AP3S2: variants seen among roughly 807,000 people sequenced by gnomAD.
AP3S2 encodes adaptor related protein complex 3 subunit sigma 2.
In AP3S2, 22 loss-of-function variants were observed where a neutral mutation model predicts 23.4. The observed-to-expected ratio is 0.94, with a 90% CI of 0.67 to 1.34. The LOEUF (loss-of-function observed/expected upper bound fraction) is 1.34. AP3S2 is among the 40% of genes most tolerant of loss of function. The pLI, the probability that AP3S2 is intolerant of heterozygous loss-of-function variation, is 0.00. For missense variants in AP3S2, 241 were observed against 236.9 expected (o/e 1.02, Z -0.11); for synonymous variants, 86 against 87.1 (o/e 0.99, Z 0.07).
chr15:89,839,466 G>T (rs1028523208), intron 4 of AP3S2, among the ~76,000 whole-genome samples: 5 of 152,186 alleles, frequency 3.3e-5, no homozygotes, highest in Non-Finnish European at 5.9e-5. Flanking sequence ...ATATGCAAAT[G>T]AAGATTTAAT....
intron 3 of AP3S2, among the ~76,000 whole-genome samples, chr15:89,888,300 G>T (rs1351735760): frequency 2.0e-5 from 3 of 152,194 alleles, no homozygotes; most frequent in Non-Finnish European, 4.4e-5. Context: ...GTATAAATTT[G>T]TAAATGAAAA....
At chr15:89,877,336 G>T (rs1373061701) in intron 3 of AP3S2, 1 of 1,308,204 alleles carries the variant, frequency 7.6e-7, no homozygotes, top group Admixed American at 2.2e-5. Context: ...TAGCCTTCTT[G>T]TTCTGATGTC....
intron 3 of AP3S2, among the ~76,000 whole-genome samples, chr15:89,884,424 C>A (rs950242288): frequency 1.3e-5 from 2 of 151,544 alleles, no homozygotes; most frequent in South Asian, 2.1e-4. Context: ...TAAAAAAAAA[C>A]CACTCAACAC....
intron 4 of AP3S2, among the ~76,000 whole-genome samples, chr15:89,869,445 G>C (rs1162243660): frequency 6.8e-6 from 1 of 147,596 alleles, no homozygotes; most frequent in African/African-American, 2.5e-5. Flanking sequence ...GAAGGCCGCA[G>C]GGTCCTCTGC....
chr15:89,859,269 TTTTC>T (rs770559473), intron 4 of AP3S2, among the ~76,000 whole-genome samples: 11 of 150,520 alleles, frequency 7.3e-5, no homozygotes, highest in East Asian at 1.9e-4. Flanking sequence ...CCTTTTTTTC[TTTTC>T]TTTCTTTCCT....
At chr15:89,853,746 C>T (rs1242250044) in intron 4 of AP3S2, among the ~76,000 whole-genome samples, 2 of 120,138 alleles carry the variant, frequency 1.7e-5, no homozygotes, top group Admixed American at 8.6e-5. Context: ...ATGTGGGGAG[C>T]GCCTCTGCCC....
intron 3 of AP3S2, among the ~76,000 whole-genome samples, chr15:89,881,913 C>T (rs910687191): frequency 1.2e-4 from 18 of 151,886 alleles, no homozygotes; most frequent in Non-Finnish European, 2.1e-4. Flanking sequence ...CTCCACCTCC[C>T]GGGTTCAAGC....
chr15:89,872,844 C>A (rs907949270), intron 3 of AP3S2, among the ~76,000 whole-genome samples: 2 of 152,208 alleles, frequency 1.3e-5, no homozygotes, highest in Non-Finnish European at 2.9e-5. Context: ...TACCAAGATG[C>A]AATGGGCAAG....
At chr15:89,885,348 A>T (rs1293742333) in intron 3 of AP3S2, among the ~76,000 whole-genome samples, 1 of 152,102 alleles carries the variant, frequency 6.6e-6, no homozygotes, top group Non-Finnish European at 1.5e-5. Context: ...GATTACAGGC[A>T]TGTGCCACCA....
chr15:89,874,641 G>C (rs956636139), intron 3 of AP3S2, among the ~76,000 whole-genome samples: 3 of 152,114 alleles, frequency 2.0e-5, no homozygotes, highest in African/African-American at 4.8e-5. Flanking sequence ...AATTAGCCAG[G>C]CATAGTGGCA....
At chr15:89,892,750 G>A (rs1281494840) in intron 1 of AP3S2, among the ~76,000 whole-genome samples, 2 of 152,138 alleles carry the variant, frequency 1.3e-5, no homozygotes, top group Non-Finnish European at 2.9e-5. Context: ...TGCAAGCTCC[G>A]CCTCCCGGGC....
chr15:89,836,061 A>T (rs1223641808), intron 5 of AP3S2, among the ~76,000 whole-genome samples: 1 of 152,168 alleles, frequency 6.6e-6, no homozygotes, highest in Non-Finnish European at 1.5e-5. Context: ...CAGGTGAAGG[A>T]TGCCTAGAAA....
chr15:89,879,217 G>A (rs1896514670), intron 3 of AP3S2, among the ~76,000 whole-genome samples: 1 of 152,236 alleles, frequency 6.6e-6, no homozygotes, highest in African/African-American at 2.4e-5. Flanking sequence ...GTGAGGTTAT[G>A]GGTAAACAGA....
chr15:89,835,482 T>C lies in AP3S2; in HGVS notation c.*33A>G. Reference sequence around the variant, plus strand: ...CTTGCCTTGCTTGTCTTTGCTTGTCTTAAGGACTCTATTTCAGGCCAATAC... The same window carrying C: ...CTTGCCTTGCTTGTCTTTGCTTGTCCTAAGGACTCTATTTCAGGCCAATAC... On this transcript the variant is annotated 3_prime_UTR_variant, in exon 6 of 6. Coordinates refer to ENST00000336418, the MANE Select transcript of AP3S2 (RefSeq NM_005829.5). The C allele has an allele frequency of 6.2e-7, 1 of 1,612,218 alleles. No homozygotes were observed. The highest frequency in any genetic ancestry group is 8.5e-7 in the Non-Finnish European group (1 of 1,179,172).
chr15:89,847,092 T>G (rs559200570), intron 4 of AP3S2, among the ~76,000 whole-genome samples: 117 of 152,196 alleles, frequency 7.7e-4, no homozygotes, highest in African/African-American at 2.8e-3. Flanking sequence ...AAAAGTAGAT[T>G]AAGACCAGGC....
intron 4 of AP3S2, among the ~76,000 whole-genome samples, chr15:89,846,683 C>T (rs1350780364): frequency 2.6e-5 from 4 of 152,190 alleles, no homozygotes; most frequent in African/African-American, 7.2e-5. Context: ...TGTGCCACCA[C>T]ACCCAGCTAA....
intron 3 of AP3S2, among the ~76,000 whole-genome samples, chr15:89,878,769 G>C (rs1226725169): frequency 6.6e-6 from 1 of 151,886 alleles, no homozygotes; most frequent in African/African-American, 2.4e-5. Context: ...TTTTGATACA[G>C]GGTCTCTCGC....
At chr15:89,836,043 C>G (rs1895184532) in intron 5 of AP3S2, among the ~76,000 whole-genome samples, 1 of 145,626 alleles carries the variant, frequency 6.9e-6, no homozygotes, top group Non-Finnish European at 1.5e-5. Context: ...AACAAACAAA[C>G]AAAATAACAG....
chr15:89,854,149 T>G (rs1481964100), intron 4 of AP3S2, among the ~76,000 whole-genome samples: 2 of 31,248 alleles, frequency 6.4e-5, no homozygotes, highest in Non-Finnish European at 1.2e-4. Context: ...TGGCCAGCCA[T>G]GCCGTCCGGG....
Sources: allele counts gnomAD v4.1 joint callset (sites outside exome capture counted in the v4.1 genomes callset), GRCh38; gene constraint gnomAD v4.1.1; transcripts MANE v1.5; gene names NCBI Gene and HGNC (gene_info 2026-07-23, HGNC 2026-07-21).